The following CADM1 variants were observed in gnomAD, a reference collection of about 807,000 sequenced individuals.
CADM1 encodes the protein TSLC-1.
In CADM1, 15 loss-of-function variants were observed where a neutral mutation model predicts 53.1. The ratio of observed to expected loss-of-function variants is 0.28; its 90% confidence interval spans 0.19 to 0.44. The LOEUF is 0.44. Among genes scored for constraint, CADM1 ranks in the 20% least tolerant of loss-of-function variants. CADM1 has a pLI of 1.00. For synonymous variants in CADM1, 281 were observed against 243.0 expected, an observed-to-expected ratio of 1.16 and a Z score of -1.45; for missense variants, 434 against 611.3, an observed-to-expected ratio of 0.71 and a Z score of 3.06.
chr11:115,494,080 G>A (rs1949556670), intron 1 of CADM1, among the ~76,000 whole-genome samples: 1 of 152,124 alleles, frequency 6.6e-6, no homozygotes. Flanking sequence ...ATGATGCAAT[G>A]TGCTTTCATG....
intron 1 of CADM1, among the ~76,000 whole-genome samples, chr11:115,388,187 G>T (rs1003647087): frequency 6.6e-6 from 1 of 152,080 alleles, no homozygotes; most frequent in African/African-American, 2.4e-5. Flanking sequence ...AAGTCAATAC[G>T]ACTGACAGAC....
Position 115,171,949 on chromosome 11 carries a change from C to T in CADM1, c.*4525G>A, listed in dbSNP as rs1938804490. On this transcript the variant is annotated 3_prime_UTR_variant, in exon 12 of 12. Transcript: ENST00000331581. Reference sequence around the variant, plus strand: ...CTTCTTCGTAGCCCTGGGTAACCTTCTATCGTTTTAGTCACCATTTGCCTC... The same window carrying T: ...CTTCTTCGTAGCCCTGGGTAACCTTTTATCGTTTTAGTCACCATTTGCCTC... 6.6e-6 allele frequency: 1 copy of T among 152,248 alleles called. No individual in the cohort carries two copies. Among genetic ancestry groups the T allele is most frequent in the African/African-American group, 2.4e-5 (1 of 41,454 alleles). 9.4% of individuals were successfully genotyped at this position (152,248 alleles called of 1,614,324 possible).
At chr11:115,245,837 T>G (rs1030713095) in intron 1 of CADM1, among the ~76,000 whole-genome samples, 1 of 152,268 alleles carries the variant, frequency 6.6e-6, no homozygotes, top group Non-Finnish European at 1.5e-5. Flanking sequence ...GCATATTTTG[T>G]ACATTTCCTT....
intron 1 of CADM1, among the ~76,000 whole-genome samples, chr11:115,421,067 A>T (rs1005808787): frequency 2.6e-5 from 4 of 152,150 alleles, no homozygotes; most frequent in African/African-American, 9.7e-5. Context: ...AATTTAACTT[A>T]ATGTTAAAAC....
intron 1 of CADM1, among the ~76,000 whole-genome samples, chr11:115,384,629 C>T (rs1388613044): frequency 1.3e-5 from 2 of 152,100 alleles, no homozygotes; most frequent in South Asian, 2.1e-4. Context: ...AGAGGATTAG[C>T]CAAGTGAAAC....
At chr11:115,351,816 C>T (rs1237870167) in intron 1 of CADM1, among the ~76,000 whole-genome samples, 1 of 152,150 alleles carries the variant, frequency 6.6e-6, no homozygotes, top group Admixed American at 6.5e-5. Flanking sequence ...AATTGGACGG[C>T]CTCTTCCTGC....
intron 1 of CADM1, among the ~76,000 whole-genome samples, chr11:115,481,840 A>T (rs1015607015): frequency 3.9e-5 from 6 of 152,000 alleles, no homozygotes; most frequent in Admixed American, 3.9e-4. Flanking sequence ...GGCCCTCAAA[A>T]TTTCAGCTGG....
chr11:115,308,224 G>T (rs1591693919), intron 1 of CADM1, among the ~76,000 whole-genome samples: 1 of 84,090 alleles, frequency 1.2e-5, no homozygotes, highest in Admixed American at 1.2e-4. Flanking sequence ...ACACCTATGA[G>T]AAGGTTTTTG....
intron 1 of CADM1, among the ~76,000 whole-genome samples, chr11:115,373,373 T>A (rs1002648796): frequency 6.6e-6 from 1 of 151,730 alleles, no homozygotes; most frequent in Non-Finnish European, 1.5e-5. Context: ...TTACTTGAGG[T>A]CAGGAGCTCT....
At chr11:115,187,012 T>G (rs180955826) in intron 10 of CADM1, among the ~76,000 whole-genome samples, 1 of 152,308 alleles carries the variant, frequency 6.6e-6, no homozygotes, top group East Asian at 1.9e-4. Context: ...TCAAATAATT[T>G]TGTTGAATGA....
intron 1 of CADM1, among the ~76,000 whole-genome samples, chr11:115,503,198 G>A (rs1351315948): frequency 6.6e-6 from 1 of 152,216 alleles, no homozygotes; most frequent in Non-Finnish European, 1.5e-5. Context: ...GAAGAGCTCC[G>A]GCTCCCTTTT....
intron 1 of CADM1, chr11:115,333,662 A>G (rs1489124281): frequency 2.6e-5 from 4 of 152,192 alleles, no homozygotes; most frequent in African/African-American, 9.6e-5. Context: ...GGGAGTCGGT[A>G]TCATCTTGAT....
At chr11:115,271,732 G>C (rs568917873) in intron 1 of CADM1, among the ~76,000 whole-genome samples, 12 of 152,310 alleles carry the variant, frequency 7.9e-5, no homozygotes, top group Admixed American at 6.5e-4. Flanking sequence ...AATACAAAGA[G>C]ACTAAGGATT....
intron 1 of CADM1, among the ~76,000 whole-genome samples, chr11:115,256,419 A>G (rs1043644236): frequency 2.6e-5 from 4 of 152,220 alleles, no homozygotes; most frequent in Non-Finnish European, 4.4e-5. Flanking sequence ...CTCTTAATGA[A>G]TATCCATGGA....
intron 1 of CADM1, among the ~76,000 whole-genome samples, chr11:115,484,750 A>G (rs577171335): frequency 1.3e-5 from 2 of 152,064 alleles, no homozygotes; most frequent in South Asian, 4.1e-4. Context: ...GATTGAGACC[A>G]TCCTGGCTAA....
At chr11:115,462,647 G>A (rs1325207069) in intron 1 of CADM1, among the ~76,000 whole-genome samples, 1 of 152,116 alleles carries the variant, frequency 6.6e-6, no homozygotes, top group East Asian at 1.9e-4. Flanking sequence ...GGAAAGTAAG[G>A]GACATTAGAA....
At chr11:115,371,454 T>C (rs892492575) in intron 1 of CADM1, among the ~76,000 whole-genome samples, 1 of 151,098 alleles carries the variant, frequency 6.6e-6, no homozygotes, top group African/African-American at 2.4e-5. Context: ...ACAGAGGAGA[T>C]AAACTGGAAT....
intron 5 of CADM1, among the ~76,000 whole-genome samples, chr11:115,227,825 T>C (rs1941668247): frequency 6.6e-6 from 1 of 152,210 alleles, no homozygotes; most frequent in Non-Finnish European, 1.5e-5. Flanking sequence ...TTTCCTGCCT[T>C]CCCATTTTGC....
chr11:115,199,989 T>C (rs1200237866), intron 8 of CADM1, among the ~76,000 whole-genome samples: 1 of 152,210 alleles, frequency 6.6e-6, no homozygotes, highest in Non-Finnish European at 1.5e-5. Flanking sequence ...TGTATAAATG[T>C]GACACATGAA....
Sources: gnomAD v4.1 joint callset for allele counts (sites outside exome capture counted in the v4.1 genomes callset) on GRCh38, gnomAD v4.1.1 for gene constraint, MANE v1.5 for transcripts, NCBI Gene and HGNC (gene_info 2026-07-23, HGNC 2026-07-21) for gene names.